The following TMEM268 variants were observed in gnomAD, a reference collection of about 807,000 sequenced individuals.
The protein encoded by TMEM268 is transmembrane protein C9orf91.
In TMEM268, 24 loss-of-function variants were observed where a neutral mutation model predicts 39.1. That is an observed-to-expected ratio of 0.61 (90% CI 0.44 to 0.86). The LOEUF (loss-of-function observed/expected upper bound fraction) is 0.86. Ranked by LOEUF, TMEM268 falls within the 40% of genes least tolerant of loss-of-function variation. TMEM268 has a pLI of 0.00. For missense variants in TMEM268, 409 were observed against 428.6 expected, an observed-to-expected ratio of 0.95 and a Z score of 0.40; for synonymous variants, 176 against 173.5, an observed-to-expected ratio of 1.01 and a Z score of -0.12.
At chr9:114,640,906 T>G (rs769595461) in intron 8 of TMEM268, among the ~76,000 whole-genome samples, 10 of 152,032 alleles carry the variant, frequency 6.6e-5, no homozygotes, top group Non-Finnish European at 1.3e-4. Context: ...GAGGGAGTTT[T>G]GCTCTTTTGC....
the TMEM268 span, among the ~76,000 whole-genome samples, chr9:114,604,585 C>CAAAA: frequency 3.7e-5 from 3 of 81,594 alleles, no homozygotes; most frequent in African/African-American, 5.2e-5. Context: ...GACTCCGTCT[C>CAAAA]AAAAAAAAAA....
intron 6 of TMEM268, among the ~76,000 whole-genome samples, chr9:114,636,500 C>T (rs777132071): frequency 6.9e-6 from 1 of 144,084 alleles, no homozygotes; most frequent in African/African-American, 2.8e-5. Context: ...CTTTTCTTTT[C>T]TTTTCTTTCT....
chr9:114,622,053 G>A (rs907865809), intron 2 of TMEM268: 67 of 984,302 alleles, frequency 6.8e-5, no homozygotes, highest in Admixed American at 1.2e-4. Context: ...AGGGAGAGGT[G>A]AGGATGCCAG....
chr9:114,605,315 G>A, the TMEM268 span, among the ~76,000 whole-genome samples: 1 of 152,036 alleles, frequency 6.6e-6, no homozygotes, highest in Non-Finnish European at 1.5e-5. Context: ...TTCAGCACAG[G>A]CAGGCAGCTC....
the TMEM268 span, among the ~76,000 whole-genome samples, chr9:114,605,063 C>G: frequency 1.3e-5 from 2 of 152,192 alleles, no homozygotes; most frequent in African/African-American, 4.8e-5. Flanking sequence ...TTGAGTAAGG[C>G]CCGTAACTAA....
chr9:114,633,946 C>A, intron 6 of TMEM268, 68 bp downstream of exon 6: 1 of 868,998 alleles, frequency 1.2e-6, no homozygotes, highest in Non-Finnish European at 1.8e-6. Context: ...AGAGCAGTGG[C>A]CTCATGTTCT....
intron 2 of TMEM268, among the ~76,000 whole-genome samples, chr9:114,622,967 G>A (rs971174749): frequency 1.8e-4 from 28 of 151,934 alleles, no homozygotes; most frequent in African/African-American, 6.5e-4. Flanking sequence ...GTGCATGCCT[G>A]TAATCCCAGC....
At chr9:114,629,740 C>T (rs1350428153) in intron 5 of TMEM268, among the ~76,000 whole-genome samples, 2 of 152,190 alleles carry the variant, frequency 1.3e-5, no homozygotes, top group Non-Finnish European at 2.9e-5. Flanking sequence ...TCTTGCCTGA[C>T]TCAGAAAGAG....
chr9:114,625,443 CTTT>C lies in TMEM268; in HGVS notation c.216+1000_216+1002del, dbSNP rs34082825. ...AAGATTTTAGAATTTACTTCTTCTTCTTTTTTTTTTTTTTTTTTCAAGATAGAG... is the reference window on the plus strand; with the variant it reads ...AAGATTTTAGAATTTACTTCTTCTTCTTTTTTTTTTTTTTTCAAGATAGAG... On this transcript the variant is annotated intron_variant, in intron 3 of 8. Coordinates refer to ENST00000288502, the MANE Select transcript of TMEM268 (RefSeq NM_153045.4). 3.1e-3 allele frequency among the ~76,000 whole-genome samples: 374 copies of C among 121,728 alleles called. 3 individuals carry two copies. The highest frequency in any genetic ancestry group is 0.01 in the African/African-American group (333 of 32,148). 79.9% of individuals were successfully genotyped at this position (121,728 alleles called of 152,430 possible).
intron 2 of TMEM268, among the ~76,000 whole-genome samples, chr9:114,623,971 A>G (rs562666588): frequency 1.3e-5 from 2 of 152,366 alleles, no homozygotes; most frequent in South Asian, 4.1e-4. Context: ...GCTTAAATAA[A>G]GGTCCACTGC....
intron 2 of TMEM268, among the ~76,000 whole-genome samples, chr9:114,621,311 A>G (rs1485633817): frequency 6.7e-6 from 1 of 150,254 alleles, no homozygotes; most frequent in Non-Finnish European, 1.5e-5. Context: ...GTGTCACTGC[A>G]CTCCAGCCTG....
chr9:114,636,449 G>A (rs568255657), intron 6 of TMEM268, among the ~76,000 whole-genome samples: 45 of 151,758 alleles, frequency 3.0e-4, no homozygotes, highest in African/African-American at 1.0e-3. Context: ...CAGCTTGTGG[G>A]AAATGGGGCC....
At chr9:114,642,019 T>C (rs11794392) in intron 8 of TMEM268, among the ~76,000 whole-genome samples, 19,493 of 152,192 alleles carry the variant, frequency 0.13, 1,416 homozygotes, top group Middle Eastern at 0.23. Flanking sequence ...ATTGTTTTAT[T>C]GTGGCAAATA....
chr9:114,620,902 C>T (rs1845920616), intron 2 of TMEM268, among the ~76,000 whole-genome samples: 1 of 147,022 alleles, frequency 6.8e-6, no homozygotes, highest in African/African-American at 2.5e-5. Context: ...CTCACCACCT[C>T]GCCTCCTTGT....
chr9:114,610,897 A>G (rs1845460992), upstream of TMEM268, among the ~76,000 whole-genome samples: 1 of 152,208 alleles, frequency 6.6e-6, no homozygotes. Flanking sequence ...AATGCTCTTA[A>G]CAATACAGCA....
chr9:114,622,813 A>G (rs2133626243), intron 2 of TMEM268, among the ~76,000 whole-genome samples: 1 of 152,314 alleles, frequency 6.6e-6, no homozygotes, highest in Non-Finnish European at 1.5e-5. Context: ...GATTTGGGCC[A>G]GGTGCAGTGG....
At chr9:114,611,952 C>A (rs1399869043) in intron 1 of TMEM268, among the ~76,000 whole-genome samples, 2 of 152,208 alleles carry the variant, frequency 1.3e-5, no homozygotes, top group African/African-American at 4.8e-5. Flanking sequence ...CGTGAAGGAG[C>A]CTGGGTTTCA....
chr9:114,638,272 T>C (rs113249936), intron 7 of TMEM268, among the ~76,000 whole-genome samples: 9,492 of 152,162 alleles, frequency 0.062, 470 homozygotes, highest in South Asian at 0.19. Flanking sequence ...GAACTCCTAG[T>C]CTCAAGTGAT....
At chr9:114,610,869 C>T (rs553198761), upstream of TMEM268, among the ~76,000 whole-genome samples, 6 of 152,294 alleles carry the variant, frequency 3.9e-5, no homozygotes, top group South Asian at 1.2e-3. Context: ...GAATCACAGC[C>T]TAGTCTGACC....
Sources: gnomAD v4.1 joint callset for allele counts (sites outside exome capture counted in the v4.1 genomes callset) on GRCh38, gnomAD v4.1.1 for gene constraint, MANE v1.5 for transcripts, NCBI Gene and HGNC (gene_info 2026-07-23, HGNC 2026-07-21) for gene names.